The following KAZN variants were observed in gnomAD, a reference collection of about 807,000 sequenced individuals.
The protein encoded by KAZN is kazrin.
KAZN carries 40 observed loss-of-function variants against 87.4 expected under a neutral mutation model. That is an observed-to-expected ratio of 0.46 (90% CI 0.36 to 0.60). The LOEUF (loss-of-function observed/expected upper bound fraction) is 0.60, where lower values mean the gene tolerates loss of function less well. KAZN is among the 20% of genes least tolerant of loss of function. KAZN has a pLI of 0.00. For missense variants in KAZN, 898 were observed against 1,073.9 expected (o/e 0.84, Z 2.29); for synonymous variants, 466 against 458.3 (o/e 1.02, Z -0.22).
At chr1:15,083,343 C>T (rs1263632984) in intron 8 of KAZN, among the ~76,000 whole-genome samples, 1 of 152,204 alleles carries the variant, frequency 6.6e-6, no homozygotes, top group Admixed American at 6.5e-5. Flanking sequence ...TTCTCCCAGA[C>T]ACTGGTGAAT....
At chr1:14,214,101 C>A (rs900362176) in intron 2 of KAZN, among the ~76,000 whole-genome samples, 3 of 152,110 alleles carry the variant, frequency 2.0e-5, no homozygotes, top group Non-Finnish European at 2.9e-5. Context: ...ATATGCAAGT[C>A]TGGATTTCAA....
intron 1 of KAZN, among the ~76,000 whole-genome samples, chr1:14,738,049 G>A (rs895965099): frequency 2.0e-5 from 3 of 152,202 alleles, no homozygotes; most frequent in African/African-American, 7.2e-5. Flanking sequence ...TGGGGGTTTA[G>A]AATTCTACCT....
intron 1 of KAZN, chr1:14,924,461 C>G (rs2101522808): frequency 1.0e-6 from 1 of 989,882 alleles, no homozygotes; most frequent in African/African-American, 1.8e-5. Flanking sequence ...CGGGCCCGCG[C>G]GGCCCCCGGG....
Position 14,604,180 on chromosome 1 carries a change from T to G in KAZN, c.226+4957T>G, listed in dbSNP as rs867962085. On this transcript the variant is annotated intron_variant, in intron 1 of 14. Transcript: ENST00000376030. ...TGTTTGGGCTGCATATTAGGGTGAG[T>G]AGCACAAAATATGGCAGGAGTGTCA... Among the ~76,000 whole-genome samples the G allele has an allele frequency of 3.9e-5, 6 of 152,120 alleles. 1 individual carries two copies. In the Middle Eastern group the frequency reaches 0.01, roughly 259 times the overall value.
At chr1:13,937,385 T>C (rs72871389) in intron 1 of KAZN, among the ~76,000 whole-genome samples, 4,742 of 152,298 alleles carry the variant, frequency 0.031, 226 homozygotes, top group African/African-American at 0.11. Flanking sequence ...GTTGTTTTCC[T>C]TGATGAGTTG....
At chr1:14,651,152 A>C (rs970999553) in intron 1 of KAZN, among the ~76,000 whole-genome samples, 1 of 152,212 alleles carries the variant, frequency 6.6e-6, no homozygotes, top group Non-Finnish European at 1.5e-5. Context: ...ACTTCCTGGT[A>C]ATTCCTCATC....
Position 14,825,880 on chromosome 1 carries a change from C to T in KAZN, c.227-134804C>T, listed in dbSNP as rs931056569. On this transcript the variant is annotated intron_variant, in intron 1 of 14. Coordinates refer to ENST00000376030, the MANE Select transcript of KAZN (RefSeq NM_201628.3). The stretch of plus-strand genomic sequence containing the variant: ...TGTTGTTAGTGGTTTAATTCTGTCT[C>T]TCTGGTCCACACGCTCCAGGAGGGC... 3.3e-5 allele frequency among the ~76,000 whole-genome samples: 5 copies of T among 152,196 alleles called. No homozygotes were observed. In the South Asian group the frequency reaches 1.0e-3, roughly 32 times the overall value.
chr1:14,406,014 TAAG>T (rs1230408938), intron 2 of KAZN, among the ~76,000 whole-genome samples: 2 of 152,270 alleles, frequency 1.3e-5, no homozygotes, highest in African/African-American at 4.8e-5. Context: ...TAATGAATAA[TAAG>T]ACCTACTAGT....
chr1:14,598,256 G>T (rs973150053), upstream of KAZN, among the ~76,000 whole-genome samples: 1 of 152,104 alleles, frequency 6.6e-6, no homozygotes, highest in Non-Finnish European at 1.5e-5. This position sits in a 1 kb window ranked among gnomAD's most constrained non-coding sequence, Gnocchi z 4.2. Context: ...TTTCGTACTC[G>T]CAGTTTAAGG....
rs1160676546 is a variant in KAZN at position 14,871,430 on chromosome 1, T to C, written c.227-89254T>C. Among the ~76,000 whole-genome samples, 3 of 152,126 alleles carry C rather than the reference T, an allele frequency of 2.0e-5. 1 individual carries two copies. Among genetic ancestry groups the C allele is most frequent in the Admixed American group, 2.0e-4 (3 of 15,286 alleles). On this transcript the variant is annotated intron_variant, in intron 1 of 14. Transcript: ENST00000376030. ...CTGGAGGATGGGCTTCCTCTTCGAA[T>C]AGGAATGGGAAACTGGGGAAAAGTG...
In KAZN at chr1:14,160,917, G is replaced by A. The variant is rs75857476; in HGVS notation, c.92-19518G>A. Reference sequence around the variant, plus strand: ...CCAGTTCTATCAGTGGAAATAATTCGTTGCTGATAAGAGGACTTATCTTTG... The same window carrying A: ...CCAGTTCTATCAGTGGAAATAATTCATTGCTGATAAGAGGACTTATCTTTG... On this transcript the variant is annotated intron_variant, in intron 1 of 16. Coordinates refer to the KAZN transcript ENST00000636203. Among the ~76,000 whole-genome samples the A allele has an allele frequency of 2.9e-3, 442 of 152,290 alleles. 1 individual carries two copies. Among genetic ancestry groups the A allele is most frequent in the African/African-American group, 9.7e-3 (404 of 41,562 alleles).
At chr1:15,073,510 A>G (rs61772199) in intron 8 of KAZN, among the ~76,000 whole-genome samples, 13,808 of 152,110 alleles carry the variant, frequency 0.091, 701 homozygotes, top group East Asian at 0.25. Context: ...AAACTTACCC[A>G]AGCCAGACCC....
chr1:13,926,091 T>C (rs1385390857), intron 1 of KAZN, among the ~76,000 whole-genome samples: 1 of 152,152 alleles, frequency 6.6e-6, no homozygotes, highest in Non-Finnish European at 1.5e-5. Flanking sequence ...TTTCAAAGGA[T>C]CTAGTTCTCA....
At position 14,773,093 on chromosome 1, in the gene KAZN, C is replaced by T. The variant is rs1402979732; in HGVS notation, c.226+173870C>T. On this transcript the variant is annotated intron_variant, in intron 1 of 14. Coordinates refer to ENST00000376030, the MANE Select transcript of KAZN (RefSeq NM_201628.3). This position sits in a 1 kb window ranked among gnomAD's most constrained non-coding sequence, Gnocchi z 5.9. The stretch of plus-strand genomic sequence containing the variant: ...TCAGGTGGGTGACCCTAGTCCCCCA[C>T]AAAGGTAGCATCTGGTGGAGAGAAA... Among the ~76,000 whole-genome samples, 1 of 152,108 alleles carries T rather than the reference C, an allele frequency of 6.6e-6. No homozygotes were observed. The highest frequency in any genetic ancestry group is 1.5e-5 in the Non-Finnish European group (1 of 68,010).
At chr1:15,065,876 G>A in intron 8 of KAZN, 123 bp downstream of exon 8, 1 of 1,520,140 alleles carries the variant, frequency 6.6e-7, no homozygotes, top group Non-Finnish European at 8.8e-7. Context: ...GGGTGCGCGT[G>A]TGGCCGTGCG....
At chr1:14,857,111 G>A (rs978028054) in intron 1 of KAZN, among the ~76,000 whole-genome samples, 2 of 152,190 alleles carry the variant, frequency 1.3e-5, no homozygotes, top group Non-Finnish European at 2.9e-5. Flanking sequence ...GTTACTAGCT[G>A]TGTGACCTCG....
chr1:15,067,776 G>C, intron 8 of KAZN: 1 of 985,336 alleles, frequency 1.0e-6, no homozygotes, highest in Non-Finnish European at 1.2e-6. Flanking sequence ...CTGTTTAACC[G>C]AGCCTAGGGG....
At chr1:14,755,855 G>A (rs1374308740) in intron 1 of KAZN, among the ~76,000 whole-genome samples, 1 of 152,196 alleles carries the variant, frequency 6.6e-6, no homozygotes, top group Non-Finnish European at 1.5e-5. Flanking sequence ...GAAACCTGGA[G>A]AATTAGCAGG....
intron 1 of KAZN, among the ~76,000 whole-genome samples, chr1:14,119,885 A>G (rs1020791717): frequency 7.6e-6 from 1 of 131,988 alleles, no homozygotes; most frequent in South Asian, 2.4e-4. Flanking sequence ...GGTCTTTGCC[A>G]TGTGCCAGGC....
Sources: gnomAD v4.1 joint callset for allele counts (sites outside exome capture counted in the v4.1 genomes callset) on GRCh38, gnomAD v4.1.1 for gene constraint, Gnocchi (gnomAD v3.1) non-coding constraint, MANE v1.5 for transcripts, NCBI Gene and HGNC (gene_info 2026-07-23, HGNC 2026-07-21) for gene names.